CNTN4: variants seen among roughly 807,000 people sequenced by gnomAD.
CNTN4 encodes contactin 4.
A neutral mutation model predicts 122.5 loss-of-function variants in CNTN4; 77 were observed. The observed-to-expected ratio is 0.63, with a 90% confidence interval of 0.52 to 0.76. CNTN4 has a LOEUF of 0.76. Ranked by LOEUF, CNTN4 falls within the 30% of genes least tolerant of loss-of-function variation. The pLI is 0.00. For missense variants in CNTN4, 1,256 were observed against 1,259.1 expected (o/e 1.00, Z 0.04); for synonymous variants, 512 against 447.0 (o/e 1.15, Z -1.83).
intron 3 of CNTN4, among the ~76,000 whole-genome samples, chr3:2,543,310 C>A (rs1427424164): frequency 6.6e-6 from 1 of 152,074 alleles, no homozygotes; most frequent in Admixed American, 6.6e-5. Flanking sequence ...CACTCAGATT[C>A]AGAAGCAATC....
chr3:2,293,539 A>C (rs1272683920), intron 2 of CNTN4, among the ~76,000 whole-genome samples: 1 of 152,166 alleles, frequency 6.6e-6, no homozygotes, highest in African/African-American at 2.4e-5. Context: ...TCATCTATAC[A>C]ATGGGAATAA....
intron 19 of CNTN4, chr3:3,039,622 G>C: frequency 4.0e-6 from 1 of 248,484 alleles, no homozygotes; most frequent in South Asian, 5.4e-5. Context: ...CCCTCTGAGA[G>C]GGAGGATCTT....
In CNTN4 at chr3:2,680,753, C is replaced by G. The variant is rs550418687; in HGVS notation, c.56-55462C>G. Among the ~76,000 whole-genome samples the G allele has an allele frequency of 2.7e-3, 407 of 152,120 alleles. 6 individuals are homozygous for G. Among genetic ancestry groups the G allele is most frequent in the Non-Finnish European group, 4.6e-3 (315 of 67,974 alleles). On this transcript the variant is annotated intron_variant, in intron 4 of 24. Transcript: ENST00000418658. ...GTGCTTGGATTGCAGTGTATATAAACATAATGAAAATCTCAATATAAAGTT... is the reference window on the plus strand; with the variant it reads ...GTGCTTGGATTGCAGTGTATATAAAGATAATGAAAATCTCAATATAAAGTT...
intron 20 of CNTN4, 89 bp from the exon 21 acceptor site, chr3:3,042,221 A>G (rs1327994521): frequency 2.1e-6 from 2 of 971,310 alleles, no homozygotes; most frequent in East Asian, 2.5e-5. Context: ...TTCTATAACC[A>G]TGAATTATTT....
At chr3:2,247,980 C>T (rs2040220056) in intron 2 of CNTN4, among the ~76,000 whole-genome samples, 1 of 151,938 alleles carries the variant, frequency 6.6e-6, no homozygotes, top group African/African-American at 2.4e-5. Context: ...AATAGCCGCA[C>T]CCTCTCTGCA....
chr3:2,271,104 C>T (rs1022060409), intron 2 of CNTN4, among the ~76,000 whole-genome samples: 15 of 125,568 alleles, frequency 1.2e-4, no homozygotes, highest in African/African-American at 3.1e-4. Context: ...TTTCTGTAAA[C>T]GGTTTGGTGT....
At chr3:2,336,891 A>G (rs2043974773) in intron 2 of CNTN4, among the ~76,000 whole-genome samples, 2 of 152,138 alleles carry the variant, frequency 1.3e-5, no homozygotes, top group African/African-American at 4.8e-5. Flanking sequence ...CCAACTTTAC[A>G]TGCCTCAAAC....
Position 2,471,093 on chromosome 3 carries a change from C to T in CNTN4, c.-88-100323C>T, listed in dbSNP as rs534518452. Among the ~76,000 whole-genome samples the T allele has an allele frequency of 3.3e-5, 5 of 152,180 alleles. No homozygotes were observed. The South Asian group carries it at 1.0e-3, about 32-fold the overall frequency. On this transcript the variant is annotated intron_variant, in intron 3 of 24. Transcript: ENST00000418658. ...ACCTATAGGAATTCATAGGAGGGAC[C>T]AATCATTGTGAGTCAAAGAAACTAA...
intron 16 of CNTN4, among the ~76,000 whole-genome samples, chr3:3,031,316 T>A (rs1699143026): frequency 6.6e-6 from 1 of 152,198 alleles, no homozygotes; most frequent in African/African-American, 2.4e-5. Context: ...AACTGTCCCT[T>A]TTTATGTTTC....
At chr3:2,976,303 A>C (rs2125144619) in intron 13 of CNTN4, among the ~76,000 whole-genome samples, 1 of 152,340 alleles carries the variant, frequency 6.6e-6, no homozygotes, top group East Asian at 1.9e-4. Flanking sequence ...ACCTGAATCA[A>C]ACCAGGTTAA....
rs150228019 is a variant in CNTN4 at position 2,592,512 on chromosome 3, C to G, written c.55+20954C>G. On this transcript the variant is annotated intron_variant, in intron 4 of 24. Transcript: ENST00000418658. ...GATTGAATCATGGGGATGGGTCTTT[C>G]CCATTGCTGTTCTCATGATAGTGAA... Among the ~76,000 whole-genome samples, 571 of 152,198 alleles carry G rather than the reference C, an allele frequency of 3.8e-3. 6 individuals carry two copies. Among genetic ancestry groups the G allele is most frequent in the African/African-American group, 0.013 (541 of 41,532 alleles).
At chr3:2,495,391 A>G (rs1374518768) in intron 3 of CNTN4, among the ~76,000 whole-genome samples, 1 of 152,206 alleles carries the variant, frequency 6.6e-6, no homozygotes, top group Non-Finnish European at 1.5e-5. Flanking sequence ...CCAGCCATTT[A>G]CAAATATGAC....
intron 3 of CNTN4, among the ~76,000 whole-genome samples, chr3:2,347,269 G>A (rs968116293): frequency 2.0e-5 from 3 of 152,128 alleles, no homozygotes; most frequent in African/African-American, 7.2e-5. Flanking sequence ...CTGGGAATGT[G>A]AAGGCAAAAT....
intron 2 of CNTN4, among the ~76,000 whole-genome samples, chr3:2,257,458 G>C (rs1181135760): frequency 6.6e-6 from 1 of 152,144 alleles, no homozygotes; most frequent in Admixed American, 6.5e-5. Context: ...TTAACCTAAA[G>C]AGCTTCCTCA....
intron 2 of CNTN4, among the ~76,000 whole-genome samples, chr3:2,148,817 A>T (rs2035367020): frequency 7.1e-6 from 1 of 140,296 alleles, no homozygotes; most frequent in Non-Finnish European, 1.5e-5. Context: ...AATAATGTGG[A>T]TCAGAGACAA....
intron 4 of CNTN4, among the ~76,000 whole-genome samples, chr3:2,723,758 C>T (rs895457292): frequency 3.9e-5 from 6 of 152,150 alleles, no homozygotes; most frequent in East Asian, 1.9e-4. Flanking sequence ...TAGTGCTCAG[C>T]GTACCAGAAT....
chr3:2,447,275 T>C (rs965375925), intron 3 of CNTN4, among the ~76,000 whole-genome samples: 1 of 152,178 alleles, frequency 6.6e-6, no homozygotes, highest in Non-Finnish European at 1.5e-5. Context: ...TCCAAGTACA[T>C]GCCTGTTGTG....
At chr3:2,148,560 A>G (rs2035352659) in intron 2 of CNTN4, among the ~76,000 whole-genome samples, 1 of 152,030 alleles carries the variant, frequency 6.6e-6, no homozygotes, top group African/African-American at 2.4e-5. Flanking sequence ...AAAAGAAAAA[A>G]ATATTAGTAG....
intron 4 of CNTN4, among the ~76,000 whole-genome samples, chr3:2,639,871 G>A (rs1045918897): frequency 6.6e-6 from 1 of 152,162 alleles, no homozygotes; most frequent in Admixed American, 6.5e-5. Flanking sequence ...TGGTTGTTTG[G>A]ACATATTTTT....
Sources: gnomAD v4.1 joint callset for allele counts (sites outside exome capture counted in the v4.1 genomes callset) on GRCh38, gnomAD v4.1.1 for gene constraint, MANE v1.5 for transcripts, NCBI Gene and HGNC (gene_info 2026-07-23, HGNC 2026-07-21) for gene names.